DNAH6: variants seen among roughly 807,000 people sequenced by gnomAD.
DNAH6 encodes dynein axonemal heavy chain 6.
Under a neutral mutation model 491.4 loss-of-function variants are expected in DNAH6, and 340 were observed. The observed-to-expected ratio is 0.69, with a 90% CI of 0.63 to 0.76. DNAH6 has a LOEUF of 0.76. Among genes scored for constraint, DNAH6 ranks in the 30% least tolerant of loss-of-function variants. The pLI, the probability that DNAH6 is intolerant of heterozygous loss-of-function variation, is 0.00. For synonymous variants in DNAH6, 1,603 were observed against 1,686.1 expected (o/e 0.95, Z 1.21); for missense variants, 4,443 against 4,972.2 (o/e 0.89, Z 3.20).
In DNAH6 at chr2:84,796,304, A is replaced by C. The variant is rs1206208786; in HGVS notation, c.11240-2A>C. ...AATTTCAAAATACAAATTTCTTTTC[A>C]GGTGAAATTACTTATGGTGGTAGAG... On this transcript the variant is annotated splice_acceptor_variant, in intron 68 of 76. Transcript: ENST00000389394. LOFTEE classifies it high-confidence loss of function. The C allele has an allele frequency of 6.8e-7, 1 of 1,460,404 alleles. No homozygotes were observed. Among genetic ancestry groups the C allele is most frequent in the East Asian group, 2.6e-5 (1 of 38,948 alleles). 90.5% of individuals were successfully genotyped at this position (1,460,404 alleles called of 1,614,324 possible).
At chr2:84,659,317 A>G (rs1691260783) in intron 37 of DNAH6, 148 bp downstream of exon 37, 1 of 474,782 alleles carries the variant, frequency 2.1e-6, no homozygotes, top group Non-Finnish European at 3.4e-6. Flanking sequence ...CCAACCATAG[A>G]CAACATTTAT....
At chr2:84,747,810 T>C (rs1428231938) in intron 63 of DNAH6, among the ~76,000 whole-genome samples, 1 of 152,180 alleles carries the variant, frequency 6.6e-6, no homozygotes, top group Non-Finnish European at 1.5e-5. Context: ...ATATAAAATC[T>C]AGGTGGATGC....
rs372076428 is a variant in DNAH6 at position 84,604,455 on chromosome 2, G to T, written c.2985G>T (p.Arg995Ser). 1,224 of 1,551,802 alleles carry T rather than the reference G, an allele frequency of 7.9e-4. 1 individual carries two copies. Among genetic ancestry groups the T allele is most frequent in the Non-Finnish European group, 1.0e-3 (1,176 of 1,146,980 alleles). Residue 995 changes from arginine to serine, a missense_variant, in exon 19 of 77, where the codon AGG becomes AGT. Arg to Ser is a moderately radical substitution (Grantham distance 110, BLOSUM62 -1). Transcript: ENST00000389394. ...CTGAAATTCCATTAACCTTGGAGAG[G>T]CTCTCCCAGTTGCATGTTTTTGACT... is the stretch of plus-strand genomic sequence containing the variant. ...VDAEIPLTLE[R>S]LSQLHVFDFG...
chr2:84,713,511 C>A (rs1474754286), intron 57 of DNAH6, among the ~76,000 whole-genome samples: 1 of 152,266 alleles, frequency 6.6e-6, no homozygotes, highest in Non-Finnish European at 1.5e-5. Flanking sequence ...GGCCGATGCT[C>A]TGTCTCGCTC....
At chr2:84,542,638 C>T (rs1678370122) in intron 4 of DNAH6, among the ~76,000 whole-genome samples, 2 of 152,258 alleles carry the variant, frequency 1.3e-5, no homozygotes, top group South Asian at 4.1e-4. Context: ...TGCTTTCATT[C>T]TGGTCCCGTG....
chr2:84,504,333 GA>G, the DNAH6 span, among the ~76,000 whole-genome samples: 1 of 151,874 alleles, frequency 6.6e-6, no homozygotes, highest in East Asian at 1.9e-4. Context: ...GAATTTCTTT[GA>G]GTTTCCTCAA....
chr2:84,560,352 A>T (rs1279797911), intron 11 of DNAH6, among the ~76,000 whole-genome samples: 2 of 151,640 alleles, frequency 1.3e-5, no homozygotes, highest in East Asian at 1.9e-4. Context: ...AGGAGCATTT[A>T]AAAAAAAACT....
chr2:84,815,503 A>T (rs1352913847), intron 75 of DNAH6, among the ~76,000 whole-genome samples: 1 of 152,206 alleles, frequency 6.6e-6, no homozygotes, highest in Non-Finnish European at 1.5e-5. Flanking sequence ...CATAATTTTT[A>T]AAAAAGAGAG....
At chr2:84,482,388 G>A in the DNAH6 span, among the ~76,000 whole-genome samples, 8 of 152,310 alleles carry the variant, frequency 5.3e-5, no homozygotes, top group South Asian at 1.7e-3. Context: ...CATGCTTCCA[G>A]GTGAAATAGA....
chr2:84,623,063 C>A (rs990422245), intron 26 of DNAH6, among the ~76,000 whole-genome samples: 1 of 152,048 alleles, frequency 6.6e-6, no homozygotes, highest in Non-Finnish European at 1.5e-5. Context: ...AGCAATTAGA[C>A]CCTTGTCTTA....
intron 34 of DNAH6, 83 bp from the exon 35 acceptor site, chr2:84,654,577 A>G (rs1054529545): frequency 6.6e-6 from 10 of 1,504,630 alleles, no homozygotes; most frequent in Non-Finnish European, 9.0e-6. Context: ...AGTGTGAATC[A>G]TTTTATAAGT....
chr2:84,778,751 C>T (rs1194558560), intron 64 of DNAH6, among the ~76,000 whole-genome samples: 2 of 152,164 alleles, frequency 1.3e-5, no homozygotes, highest in Non-Finnish European at 2.9e-5. Flanking sequence ...CCACCTCCGC[C>T]TCCCAAAGTG....
At chr2:84,630,905 T>C (rs540051041) in intron 29 of DNAH6, among the ~76,000 whole-genome samples, 104 of 152,322 alleles carry the variant, frequency 6.8e-4, no homozygotes, top group Admixed American at 1.2e-3. Flanking sequence ...TTAAGCTGGG[T>C]GGCATATACC....
intron 62 of DNAH6, among the ~76,000 whole-genome samples, chr2:84,739,383 A>G (rs921068080): frequency 1.3e-5 from 2 of 152,164 alleles, no homozygotes; most frequent in African/African-American, 4.8e-5. Context: ...TTGTATTTGC[A>G]TGTCGACCTC....
At chr2:84,665,623 A>G (rs1207799996) in intron 37 of DNAH6, among the ~76,000 whole-genome samples, 1 of 152,204 alleles carries the variant, frequency 6.6e-6, no homozygotes, top group Admixed American at 6.5e-5. Context: ...CTACCAACGA[A>G]AAAAAGTCCA....
chr2:84,600,971 T>A (rs1180189111), intron 18 of DNAH6, among the ~76,000 whole-genome samples: 1 of 140,428 alleles, frequency 7.1e-6, no homozygotes, highest in African/African-American at 3.0e-5. Context: ...AATAACACTA[T>A]ATTATTATTA....
chr2:84,739,326 G>A (rs192025063), intron 62 of DNAH6, among the ~76,000 whole-genome samples: 1 of 152,214 alleles, frequency 6.6e-6, no homozygotes, highest in East Asian at 1.9e-4. Flanking sequence ...AGTGTGTCTT[G>A]GGAATTGTCA....
At chr2:84,761,775 T>TACACACACAC (rs1203133240) in intron 63 of DNAH6, among the ~76,000 whole-genome samples, 1 of 123,548 alleles carries the variant, frequency 8.1e-6, no homozygotes, top group Admixed American at 8.1e-5. Context: ...CAGCATTACA[T>TACACACACAC]ACACACACAC....
the DNAH6 span, among the ~76,000 whole-genome samples, chr2:84,465,347 T>C: frequency 6.6e-6 from 1 of 151,974 alleles, no homozygotes; most frequent in Admixed American, 6.6e-5. Context: ...TACAAAAAAT[T>C]AGCCGGGTGT....
Sources: gnomAD v4.1 joint callset for allele counts (sites outside exome capture counted in the v4.1 genomes callset) on GRCh38, gnomAD v4.1.1 for gene constraint, MANE v1.5 for transcripts, NCBI Gene and HGNC (gene_info 2026-07-23, HGNC 2026-07-21) for gene names.